ZFHX3: variants seen among roughly 807,000 people sequenced by gnomAD.
The protein encoded by ZFHX3 is zinc finger homeobox protein 3.
A neutral mutation model predicts 279.1 loss-of-function variants in ZFHX3; 42 were observed. That is an observed-to-expected ratio of 0.15 (90% CI 0.12 to 0.19). The LOEUF (loss-of-function observed/expected upper bound fraction) is 0.19. Among genes scored for constraint, ZFHX3 ranks in the 10% least tolerant of loss-of-function variants. ZFHX3 has a pLI of 1.00. For synonymous variants in ZFHX3, 2,293 were observed against 1,957.8 expected (o/e 1.17, Z -4.52); for missense variants, 4,981 against 4,754.0 (o/e 1.05, Z -1.40).
At chr16:73,096,159 T>C (rs1015891084) in intron 7 of ZFHX3, among the ~76,000 whole-genome samples, 2 of 152,008 alleles carry the variant, frequency 1.3e-5, no homozygotes, top group Admixed American at 6.6e-5. Flanking sequence ...TGGAAACTCT[T>C]TACTGCCTGC....
At chr16:72,837,414 G>A (rs1471514161) in intron 4 of ZFHX3, among the ~76,000 whole-genome samples, 1 of 151,872 alleles carries the variant, frequency 6.6e-6, no homozygotes, top group African/African-American at 2.4e-5. Flanking sequence ...TGGAGAAGAT[G>A]GGGTCAGAAA....
intron 1 of ZFHX3, chr16:73,813,733 AG>A (rs1269957728): frequency 5.3e-5 from 8 of 152,266 alleles, no homozygotes; most frequent in African/African-American, 1.9e-4. Context: ...AATGGTCATT[AG>A]CATAACCTCC....
At chr16:73,333,938 T>C (rs1460560753) in intron 3 of ZFHX3, among the ~76,000 whole-genome samples, 1 of 148,726 alleles carries the variant, frequency 6.7e-6, no homozygotes, top group Non-Finnish European at 1.5e-5. Flanking sequence ...CCAATGCAGG[T>C]GGAAGTGTTG....
intron 4 of ZFHX3, among the ~76,000 whole-genome samples, chr16:73,264,166 GC>G (rs1827617580): frequency 6.6e-6 from 1 of 152,086 alleles, no homozygotes; most frequent in South Asian, 2.1e-4. Flanking sequence ...GACTCTATCT[GC>G]GGGGAAAAAA....
rs180901519 is a variant in ZFHX3 at position 73,341,641 on chromosome 16, C to T, written c.-1290-23305G>A. 7.2e-5 allele frequency among the ~76,000 whole-genome samples: 11 copies of T among 152,090 alleles called. No homozygotes were observed. The South Asian group carries it at 1.9e-3, about 26-fold the overall frequency. On this transcript the variant is annotated intron_variant, in intron 3 of 17. Transcript: ENST00000641206. ...TATGAATGCTTGGAATTGCATTATT[C>T]GTAATAGACTAATGGTGGAAACAAC...
chr16:73,857,623 C>T (rs1034777881), intron 1 of ZFHX3, among the ~76,000 whole-genome samples: 3 of 152,182 alleles, frequency 2.0e-5, no homozygotes, highest in African/African-American at 7.2e-5. Flanking sequence ...GTAAACAAGG[C>T]TAACCCCCAA....
intron 2 of ZFHX3, among the ~76,000 whole-genome samples, chr16:73,513,650 A>C (rs1445358939): frequency 6.6e-6 from 1 of 152,116 alleles, no homozygotes; most frequent in Non-Finnish European, 1.5e-5. Context: ...GTGAGGATAA[A>C]ACGGTCTGAG....
Position 72,796,066 on chromosome 16 carries a change from C to A in ZFHX3, c.6616G>T (p.Asp2206Tyr). The A allele has an allele frequency of 6.2e-7, 1 of 1,614,196 alleles. No homozygotes were observed. The highest frequency in any genetic ancestry group is 8.5e-7 in the Non-Finnish European group (1 of 1,180,042). ...TLFKERQRNK[D>Y]SPYNFSNPPI... ...GGATTACTGAAGTTGTAAGGGGAGT[C>A]CTTGTTACGCTGCCTCTCTTTGAAG... Residue 2206 changes from aspartate to tyrosine, a missense_variant, in exon 9 of 10, where the codon GAC becomes TAC. Coordinates refer to ENST00000268489, the MANE Select transcript of ZFHX3 (RefSeq NM_006885.4).
intron 3 of ZFHX3, among the ~76,000 whole-genome samples, chr16:73,342,855 C>T (rs1233515428): frequency 6.6e-6 from 1 of 152,110 alleles, no homozygotes; most frequent in African/African-American, 2.4e-5. Context: ...AACAAATGAA[C>T]CAAAAAGTAT....
chr16:72,897,660 C>G, intron 3 of ZFHX3, among the ~76,000 whole-genome samples: 1 of 152,128 alleles, frequency 6.6e-6, no homozygotes. Context: ...AGGCTGGTCT[C>G]AAACTCCTGG....
chr16:73,543,000 G>A (rs118114980), intron 2 of ZFHX3, among the ~76,000 whole-genome samples: 3 of 152,126 alleles, frequency 2.0e-5, no homozygotes, highest in South Asian at 2.1e-4. Flanking sequence ...GAGCTTTGTA[G>A]TTTTTAACCG....
At chr16:73,695,896 G>T (rs1292879603) in intron 1 of ZFHX3, among the ~76,000 whole-genome samples, 4 of 152,142 alleles carry the variant, frequency 2.6e-5, no homozygotes, top group Admixed American at 2.6e-4. Flanking sequence ...TGCGTAAGGG[G>T]CCCAAAGAAC....
At chr16:72,829,129 C>T (rs568572562) in intron 5 of ZFHX3, among the ~76,000 whole-genome samples, 1 of 151,850 alleles carries the variant, frequency 6.6e-6, no homozygotes, top group Non-Finnish European at 1.5e-5. Context: ...CTCAGCCCCC[C>T]GAGTAACTGG....
intron 1 of ZFHX3, among the ~76,000 whole-genome samples, chr16:73,021,057 C>T (rs1964281138): frequency 6.6e-6 from 1 of 152,192 alleles, no homozygotes; most frequent in South Asian, 2.1e-4. Context: ...AATGAAGCTC[C>T]TTAAATTATT....
At chr16:72,897,470 C>T (rs1202406214) in intron 3 of ZFHX3, among the ~76,000 whole-genome samples, 1 of 152,076 alleles carries the variant, frequency 6.6e-6, no homozygotes, top group Non-Finnish European at 1.5e-5. Context: ...GAAAGGGTCT[C>T]ACTCTATCAT....
chr16:73,688,793 G>A (rs1406351675), intron 1 of ZFHX3, among the ~76,000 whole-genome samples: 2 of 152,158 alleles, frequency 1.3e-5, no homozygotes, highest in Non-Finnish European at 2.9e-5. Flanking sequence ...GAATCATGGG[G>A]GCGGGTCGTT....
intron 3 of ZFHX3, among the ~76,000 whole-genome samples, chr16:73,450,883 G>T (rs186173627): frequency 1.3e-5 from 2 of 152,014 alleles, no homozygotes; most frequent in Admixed American, 6.6e-5. Context: ...AGTGTATAGA[G>T]CATTTTTATT....
At chr16:73,695,985 G>C (rs2053194357) in intron 1 of ZFHX3, among the ~76,000 whole-genome samples, 2 of 152,198 alleles carry the variant, frequency 1.3e-5, no homozygotes, top group Non-Finnish European at 2.9e-5. Flanking sequence ...ACTTAGACTT[G>C]TCCTGACTAT....
intron 2 of ZFHX3, among the ~76,000 whole-genome samples, chr16:73,549,633 T>G (rs1231736025): frequency 2.0e-5 from 3 of 152,226 alleles, no homozygotes; most frequent in East Asian, 3.9e-4. Context: ...ACTCTGCTTC[T>G]TAAAGAACCT....
Sources: allele counts gnomAD v4.1 joint callset (sites outside exome capture counted in the v4.1 genomes callset), GRCh38; gene constraint gnomAD v4.1.1; transcripts MANE v1.5; gene names NCBI Gene and HGNC (gene_info 2026-07-23, HGNC 2026-07-21).